HYDIN: variants seen among roughly 807,000 people sequenced by gnomAD.
HYDIN encodes the protein axonemal central pair apparatus protein HYDIN.
In HYDIN, 132 loss-of-function variants were observed where a neutral mutation model predicts 403.9. That is an observed-to-expected ratio of 0.33 (90% CI 0.28 to 0.38). HYDIN has a LOEUF of 0.38. HYDIN is among the 10% of genes least tolerant of loss of function. The pLI is 1.00. For synonymous variants in HYDIN, 1,202 were observed against 1,891.7 expected (o/e 0.64, Z 9.46); for missense variants, 2,827 against 5,009.5 (o/e 0.56, Z 13.15).
intron 6 of HYDIN, among the ~76,000 whole-genome samples, chr16:71,155,071 G>A (rs1330035568): frequency 1.6e-4 from 22 of 135,474 alleles, no homozygotes; most frequent in African/African-American, 5.6e-4. Context: ...TGGGTGTTTC[G>A]ATGAGTTCAA....
At chr16:71,126,829 T>C (rs571078964) in intron 9 of HYDIN, among the ~76,000 whole-genome samples, 1 of 152,258 alleles carries the variant, frequency 6.6e-6, no homozygotes, top group South Asian at 2.1e-4. Flanking sequence ...AGATCGCATT[T>C]CTTCTAAAAA....
intron 18 of HYDIN, among the ~76,000 whole-genome samples, chr16:71,033,657 A>G (rs921882803): frequency 2.6e-5 from 4 of 152,154 alleles, no homozygotes; most frequent in African/African-American, 7.2e-5. Context: ...GGAGAGCATC[A>G]GGAAAAATAG....
At chr16:70,897,981 C>G (rs8054630) in intron 53 of HYDIN, among the ~76,000 whole-genome samples, 4,219 of 150,778 alleles carry the variant, frequency 0.028, 111 homozygotes, top group African/African-American at 0.097. Context: ...CCTGCCTGGG[C>G]AACATGGCAA....
At chr16:70,902,821 A>ATATTTTTTTTTTTTTTT in intron 52 of HYDIN, among the ~76,000 whole-genome samples, 2 of 47,314 alleles carry the variant, frequency 4.2e-5, no homozygotes, top group African/African-American at 2.3e-4. Flanking sequence ...ATATATATAT[A>ATATTTTTTTTTTTTTTT]TTTTTTTTTT....
chr16:70,853,865 C>T (rs1402493623), intron 73 of HYDIN, among the ~76,000 whole-genome samples: 1 of 145,340 alleles, frequency 6.9e-6, no homozygotes, highest in Non-Finnish European at 1.5e-5. Context: ...ACAGAGTTAT[C>T]TTTGTCTTAT....
chr16:71,075,288 C>G (rs1406570619), intron 13 of HYDIN, among the ~76,000 whole-genome samples: 8 of 151,272 alleles, frequency 5.3e-5, no homozygotes, highest in Non-Finnish European at 1.2e-4. Flanking sequence ...TTCAGCTAAG[C>G]TAATTACCAA....
chr16:71,005,199 T>C (rs951201326), intron 23 of HYDIN, among the ~76,000 whole-genome samples: 5 of 152,194 alleles, frequency 3.3e-5, no homozygotes, highest in African/African-American at 9.7e-5. Context: ...GTCTATTAAA[T>C]GCATTCAAAT....
chr16:71,030,435 CTT>C lies in HYDIN; in HGVS notation c.2768+1242_2768+1243del, dbSNP rs74603771. Among the ~76,000 whole-genome samples the C allele has an allele frequency of 1.5e-3, 190 of 128,318 alleles. 1 individual carries two copies. Among genetic ancestry groups the C allele is most frequent in the African/African-American group, 4.2e-3 (149 of 35,660 alleles). 84.2% of individuals were successfully genotyped at this position (128,318 alleles called of 152,430 possible). A position where few individuals can be genotyped will look rare whatever the true frequency, so the allele number is the denominator to read the frequency against. ...TGTGTGTGTTGTTCTTCTTTTCTTT[CTT>C]TTTTTTTTTTTTTAAGACAGGGTCT... On this transcript the variant is annotated intron_variant, in intron 19 of 85. Coordinates refer to ENST00000393567, the MANE Select transcript of HYDIN (RefSeq NM_001270974.2).
chr16:71,067,463 G>C, intron 14 of HYDIN, 73 bp from the exon 15 acceptor site: 1 of 843,922 alleles, frequency 1.2e-6, no homozygotes. Flanking sequence ...GGAGCCTCCG[G>C]AGGACTACGC....
chr16:71,184,964 T>C lies in HYDIN; in HGVS notation c.162A>G (p.Glu54=). The change falls in exon 3 of 86, where the codon GAA becomes GAG. Residue 54 remains glutamate, a synonymous_variant. Transcript: ENST00000393567. ...GTCTCTGCTCGGTGGTCAGGGACAT[T>C]TCCTTCAGGAACTCTGAGGGTGTAA... ...RMLTPSEFLK[E]MSLTTEQRLA... The C allele has an allele frequency of 1.9e-6, 3 of 1,609,308 alleles. No homozygotes were observed. The highest frequency in any genetic ancestry group is 1.7e-6 in the Non-Finnish European group (2 of 1,177,000).
At chr16:71,165,670 G>A (rs930123305) in intron 5 of HYDIN, among the ~76,000 whole-genome samples, 1 of 152,060 alleles carries the variant, frequency 6.6e-6, no homozygotes, top group Non-Finnish European at 1.5e-5. Context: ...ATTTGGTAGT[G>A]ATGAGTGACG....
At chr16:70,834,910 A>ATATG (rs1360496075) in intron 78 of HYDIN, among the ~76,000 whole-genome samples, 2 of 148,208 alleles carry the variant, frequency 1.3e-5, no homozygotes, top group African/African-American at 5.0e-5. Flanking sequence ...ATACACACAC[A>ATATG]CATATATACA....
At chr16:70,826,424 T>C (rs565046226) in intron 83 of HYDIN, among the ~76,000 whole-genome samples, 2 of 152,212 alleles carry the variant, frequency 1.3e-5, no homozygotes, top group East Asian at 3.9e-4. Context: ...TATCCTTATT[T>C]CATGAGTACG....
chr16:70,984,872 T>C (rs1475934299), intron 28 of HYDIN, among the ~76,000 whole-genome samples: 1 of 151,200 alleles, frequency 6.6e-6, no homozygotes, highest in Non-Finnish European at 1.5e-5. Flanking sequence ...CCCTCGGGAA[T>C]TACAAGGGCA....
At chr16:70,821,831 C>T (rs1254171721) in intron 83 of HYDIN, among the ~76,000 whole-genome samples, 1 of 151,952 alleles carries the variant, frequency 6.6e-6, no homozygotes, top group Non-Finnish European at 1.5e-5. Context: ...ACAACAAATC[C>T]TGGATGACAG....
At chr16:71,218,314 G>A (rs887549753) in intron 1 of HYDIN, among the ~76,000 whole-genome samples, 14 of 152,220 alleles carry the variant, frequency 9.2e-5, no homozygotes, top group Non-Finnish European at 1.5e-5. Context: ...ATGTTTGGAA[G>A]TCCTCAGCCA....
intron 53 of HYDIN, among the ~76,000 whole-genome samples, chr16:70,899,144 C>G (rs868627789): frequency 2.6e-4 from 40 of 152,184 alleles, no homozygotes; most frequent in Middle Eastern, 6.8e-3. Context: ...CATCCAATCC[C>G]ATGCTAGACA....
chr16:71,006,543 G>C (rs555012161), intron 23 of HYDIN, among the ~76,000 whole-genome samples: 1 of 152,182 alleles, frequency 6.6e-6, no homozygotes, highest in African/African-American at 2.4e-5. Context: ...GTTCCTGCCT[G>C]AATCAGGAAC....
intron 45 of HYDIN, among the ~76,000 whole-genome samples, chr16:70,932,412 T>C (rs370370419): frequency 3.4e-3 from 513 of 151,974 alleles, no homozygotes; most frequent in African/African-American, 0.012. Context: ...ACAAATATTT[T>C]TGAGCACCTT....
Sources: gnomAD v4.1 joint callset for allele counts (sites outside exome capture counted in the v4.1 genomes callset) on GRCh38, gnomAD v4.1.1 for gene constraint, MANE v1.5 for transcripts, NCBI Gene and HGNC (gene_info 2026-07-23, HGNC 2026-07-21) for gene names.